The following SLC6A11 variants were observed in gnomAD, a reference collection of about 807,000 sequenced individuals.
The protein encoded by SLC6A11 is sodium- and chloride-dependent GABA transporter 3.
A neutral mutation model predicts 74.8 loss-of-function variants in SLC6A11; 25 were observed. That is an observed-to-expected ratio of 0.33 (90% CI 0.24 to 0.47). The LOEUF is 0.47. Among genes scored for constraint, SLC6A11 ranks in the 20% least tolerant of loss-of-function variants. The pLI, the probability that SLC6A11 is intolerant of heterozygous loss-of-function variation, is 1.00. For synonymous variants in SLC6A11, 330 were observed against 330.2 expected (o/e 1.00, Z 0.01); for missense variants, 574 against 837.0 (o/e 0.69, Z 3.88).
chr3:10,916,445 G>A (rs1695454875), intron 7 of SLC6A11, among the ~76,000 whole-genome samples: 1 of 152,186 alleles, frequency 6.6e-6, no homozygotes, highest in Non-Finnish European at 1.5e-5. Context: ...AGACTCTCCT[G>A]CAGGCTGTAG....
At chr3:10,860,487 G>A (rs919460853) in intron 5 of SLC6A11, among the ~76,000 whole-genome samples, 1 of 152,208 alleles carries the variant, frequency 6.6e-6, no homozygotes, top group African/African-American at 2.4e-5. Flanking sequence ...TGGGACTTGG[G>A]GGACACCAAC....
chr3:10,840,590 G>C (rs77113778), intron 4 of SLC6A11, among the ~76,000 whole-genome samples: 7,921 of 152,278 alleles, frequency 0.052, 281 homozygotes, highest in South Asian at 0.12. Flanking sequence ...GCCATGTTCC[G>C]TACAATCCTC....
chr3:10,833,207 GCT>G, intron 4 of SLC6A11, among the ~76,000 whole-genome samples: 1 of 152,236 alleles, frequency 6.6e-6, no homozygotes, highest in East Asian at 1.9e-4. Context: ...GATTACAGGT[GCT>G]CGCCACCACA....
chr3:10,850,018 G>A (rs568286996), intron 5 of SLC6A11, among the ~76,000 whole-genome samples: 13 of 152,044 alleles, frequency 8.6e-5, no homozygotes, highest in Non-Finnish European at 2.9e-5. Context: ...GTGCTTCTAC[G>A]GAAGCAATGT....
chr3:10,830,584 G>A (rs1446055485), intron 4 of SLC6A11, among the ~76,000 whole-genome samples: 3 of 152,146 alleles, frequency 2.0e-5, no homozygotes, highest in Admixed American at 6.5e-5. Context: ...AGGTTTAGGG[G>A]GCAGAAAGTG....
rs1192653376 is a variant in SLC6A11, at chr3:10,933,837, C to G, written c.1475-229C>G. The G allele has an allele frequency of 7.5e-6, 3 of 401,762 alleles. No homozygotes were observed. In the East Asian group the frequency reaches 1.3e-4, roughly 17 times the overall value. The allele number at this position is 401,762 out of a possible 1,614,324, so 24.9% of individuals were successfully genotyped here. A position where few individuals can be genotyped will look rare whatever the true frequency, so the allele number is the denominator to read the frequency against. On this transcript the variant is annotated intron_variant, in intron 11 of 13. Transcript: ENST00000254488. ...CCCAGAAATTCATCATTTCCTGGGCCTGAGGCCAGGAGAGCTCTCTCCAGT... is the reference window on the plus strand; with the variant it reads ...CCCAGAAATTCATCATTTCCTGGGCGTGAGGCCAGGAGAGCTCTCTCCAGT...
intron 5 of SLC6A11, among the ~76,000 whole-genome samples, chr3:10,847,161 A>C (rs1053512710): frequency 6.6e-6 from 1 of 152,072 alleles, no homozygotes; most frequent in Non-Finnish European, 1.5e-5. Flanking sequence ...GGGATACAAT[A>C]ATTTGCTCAA....
At chr3:10,906,761 A>G (rs61032464) in intron 6 of SLC6A11, among the ~76,000 whole-genome samples, 1,873 of 152,326 alleles carry the variant, frequency 0.012, 37 homozygotes, top group African/African-American at 0.043. Flanking sequence ...AGGAAATGAA[A>G]GGAGAAATTT....
chr3:10,863,300 G>C (rs543303190), intron 5 of SLC6A11, among the ~76,000 whole-genome samples: 2 of 152,336 alleles, frequency 1.3e-5, no homozygotes, highest in East Asian at 1.9e-4. Context: ...TCAGGTCACT[G>C]TACCTGGTGC....
intron 4 of SLC6A11, among the ~76,000 whole-genome samples, chr3:10,833,612 A>G (rs1338310508): frequency 3.3e-5 from 5 of 152,170 alleles, no homozygotes; most frequent in Admixed American, 2.6e-4. Flanking sequence ...GTGGGGACCT[A>G]GAGACCTGGG....
At chr3:10,912,247 A>T in intron 7 of SLC6A11, 54 bp downstream of exon 7, 1 of 1,192,076 alleles carries the variant, frequency 8.4e-7, no homozygotes, top group Middle Eastern at 2.3e-4. Context: ...AGAGCCCTCT[A>T]ACCTGCCAGG....
At chr3:10,859,659 G>T (rs1200846380) in intron 5 of SLC6A11, among the ~76,000 whole-genome samples, 1 of 152,120 alleles carries the variant, frequency 6.6e-6, no homozygotes. Flanking sequence ...TGTGTGATAT[G>T]TACTTTTTTC....
intron 5 of SLC6A11, among the ~76,000 whole-genome samples, chr3:10,868,923 T>C (rs1162451547): frequency 6.6e-6 from 1 of 152,222 alleles, no homozygotes; most frequent in Non-Finnish European, 1.5e-5. Context: ...TGTTTATAAA[T>C]ATGCCTCTGA....
chr3:10,930,948 T>A (rs1695677894), intron 10 of SLC6A11, among the ~76,000 whole-genome samples: 1 of 152,176 alleles, frequency 6.6e-6, no homozygotes, highest in Non-Finnish European at 1.5e-5. Context: ...CTATCTGTCA[T>A]CAGTTGCAGT....
Position 10,907,331 on chromosome 3 carries a change from A to C in SLC6A11, c.892-4759A>C, listed in dbSNP as rs1037684744. Reference sequence around the variant, plus strand: ...CAAACAGAAGATGGAAAGGAGGAAAAATGTAAAAATAAAGTCAGAAAAGAA... The same window carrying C: ...CAAACAGAAGATGGAAAGGAGGAAACATGTAAAAATAAAGTCAGAAAAGAA... On this transcript the variant is annotated intron_variant, in intron 6 of 13. Transcript: ENST00000254488. 7.9e-5 allele frequency among the ~76,000 whole-genome samples: 12 copies of C among 152,326 alleles called. No homozygotes were observed. The South Asian group carries it at 1.5e-3, about 18-fold the overall frequency.
At chr3:10,904,957 C>T (rs1695284748) in intron 6 of SLC6A11, among the ~76,000 whole-genome samples, 1 of 152,172 alleles carries the variant, frequency 6.6e-6, no homozygotes, top group Admixed American at 6.5e-5. Flanking sequence ...CTGTAGTACG[C>T]ACTAGGTTTC....
At chr3:10,927,819 G>A (rs1296591453) in intron 9 of SLC6A11, among the ~76,000 whole-genome samples, 2 of 152,180 alleles carry the variant, frequency 1.3e-5, no homozygotes, top group Non-Finnish European at 2.9e-5. Flanking sequence ...ACCTTTTCTG[G>A]GGAGGCAGAG....
At chr3:10,916,471 G>A (rs925184892) in intron 7 of SLC6A11, among the ~76,000 whole-genome samples, 3 of 152,172 alleles carry the variant, frequency 2.0e-5, no homozygotes, top group African/African-American at 7.2e-5. Flanking sequence ...AAGACCCTGG[G>A]TTTGGCTCCA....
At chr3:10,935,309 G>A (rs1695747115) in intron 13 of SLC6A11, 110 bp downstream of exon 13, 2 of 939,598 alleles carry the variant, frequency 2.1e-6, no homozygotes, top group African/African-American at 3.3e-5. Flanking sequence ...CTGCCTCAAG[G>A]GGACGCTGTG....
Sources: allele counts gnomAD v4.1 joint callset (sites outside exome capture counted in the v4.1 genomes callset), GRCh38; gene constraint gnomAD v4.1.1; transcripts MANE v1.5; gene names NCBI Gene and HGNC (gene_info 2026-07-23, HGNC 2026-07-21).